SMARCA2: variants seen among roughly 807,000 people sequenced by gnomAD.
The protein encoded by SMARCA2 is SWI/SNF related BAF chromatin remodeling complex subunit ATPase 2.
A neutral mutation model predicts 199.8 loss-of-function variants in SMARCA2; 61 were observed. That is an observed-to-expected ratio of 0.31 (90% CI 0.25 to 0.38). SMARCA2 has a LOEUF of 0.38. Among genes scored for constraint, SMARCA2 ranks in the 10% least tolerant of loss-of-function variants. SMARCA2 has a pLI of 1.00. For missense variants in SMARCA2, 1,344 were observed against 2,012.2 expected, an observed-to-expected ratio of 0.67 and a Z score of 6.35; for synonymous variants, 935 against 732.0, an observed-to-expected ratio of 1.28 and a Z score of -4.48.
chr9:2,081,939 T>C lies in SMARCA2; in HGVS notation c.2292T>C (p.Thr764=). 1 of 1,613,834 alleles carries C rather than the reference T, an allele frequency of 6.2e-7. No homozygotes were observed. The highest frequency in any genetic ancestry group is 8.5e-7 in the Non-Finnish European group (1 of 1,179,740). The change falls in exon 15 of 34, where the codon ACT becomes ACC. Residue 764 remains threonine (T), a synonymous_variant. Coordinates refer to ENST00000349721, the MANE Select transcript of SMARCA2 (RefSeq NM_003070.5). The part of the protein sequence containing the change: ...GKTIQTIALI[T]YLMEHKRLNG... ...CCATACAGACCATTGCACTCATCAC[T>C]TATCTGATGGAGCACAAAAGACTCA...
rs139298242 is a variant in SMARCA2 at position 2,074,386 on chromosome 9, G to A, written c.1935+763G>A. Among the ~76,000 whole-genome samples, 3 of 152,226 alleles carry A rather than the reference G, an allele frequency of 2.0e-5. No homozygotes were observed. In the South Asian group the frequency reaches 6.2e-4, roughly 32 times the overall value. ...TAGATCTGATATTTTTGAGAGTGCC[G>A]TAGTATAGGTGCCGAGGACAAGGTA... On this transcript the variant is annotated intron_variant, in intron 12 of 33. Transcript: ENST00000349721.
At chr9:2,080,895 G>A (rs1236138581) in intron 14 of SMARCA2, among the ~76,000 whole-genome samples, 2 of 152,142 alleles carry the variant, frequency 1.3e-5, no homozygotes, top group African/African-American at 2.4e-5. Context: ...CTGAAGGGAG[G>A]CATGCATCTT....
intron 5 of SMARCA2, 58 bp from the exon 6 acceptor site, chr9:2,054,539 T>G (rs1307060883): frequency 1.3e-6 from 2 of 1,577,616 alleles, no homozygotes; most frequent in African/African-American, 2.7e-5. Context: ...TCATTTAAGA[T>G]TAAATTGTAA....
chr9:2,181,481 A>C, intron 29 of SMARCA2, 90 bp from the exon 30 acceptor site: 1 of 734,412 alleles, frequency 1.4e-6, no homozygotes, highest in Non-Finnish European at 2.5e-6. Flanking sequence ...AATATAATTT[A>C]CTTTGTTGAC....
chr9:2,151,605 C>A (rs6475534), intron 27 of SMARCA2, among the ~76,000 whole-genome samples: 126,575 of 152,034 alleles, frequency 0.83, 52,971 homozygotes, highest in African/African-American at 0.91. Flanking sequence ...CCAGTGGTGC[C>A]TGCCTGTAAT....
rs1821176418 is a variant in SMARCA2 at position 2,073,462 on chromosome 9, A to AT, written c.1878-101dup. 4 of 1,493,696 alleles carry AT rather than the reference A, an allele frequency of 2.7e-6. No individual in the cohort carries two copies. The East Asian group carries it at 9.2e-5, about 35-fold the overall frequency. 92.5% of individuals were successfully genotyped at this position (1,493,696 alleles called of 1,614,324 possible). A position where few individuals can be genotyped will look rare whatever the true frequency, so the allele number is the denominator to read the frequency against. ...TGAGATGGTTGAAGTTGTTACTTGGATTTGTCTTTTATACATAGAATGTGC... is the reference window on the plus strand; with the variant it reads ...TGAGATGGTTGAAGTTGTTACTTGGATTTTGTCTTTTATACATAGAATGTGC... On this transcript the variant is annotated intron_variant, in intron 11 of 33. Coordinates refer to ENST00000349721, the MANE Select transcript of SMARCA2 (RefSeq NM_003070.5).
At chr9:2,183,806 A>G (rs746629066) in intron 31 of SMARCA2, among the ~76,000 whole-genome samples, 2 of 152,212 alleles carry the variant, frequency 1.3e-5, no homozygotes, top group Non-Finnish European at 2.9e-5. Context: ...AAGTAGAAGA[A>G]TCAACAAAGA....
At chr9:2,113,041 A>G (rs1190045781) in intron 24 of SMARCA2, among the ~76,000 whole-genome samples, 1 of 152,216 alleles carries the variant, frequency 6.6e-6, no homozygotes, top group African/African-American at 2.4e-5. Context: ...TATAGATTGT[A>G]TAGCCCCCAA....
chr9:2,155,946 T>C (rs1825338620), intron 27 of SMARCA2, among the ~76,000 whole-genome samples: 1 of 152,016 alleles, frequency 6.6e-6, no homozygotes, highest in Non-Finnish European at 1.5e-5. Context: ...ACAGAGTCTG[T>C]TGAGTTAATG....
chr9:2,077,003 A>G (rs1279248383), intron 13 of SMARCA2, among the ~76,000 whole-genome samples: 2 of 152,144 alleles, frequency 1.3e-5, no homozygotes, highest in Non-Finnish European at 2.9e-5. Flanking sequence ...CTTTTATTCC[A>G]TGGTTGTGTG....
chr9:2,094,091 A>G (rs529716280), intron 19 of SMARCA2, among the ~76,000 whole-genome samples: 306 of 152,324 alleles, frequency 2.0e-3, no homozygotes, highest in African/African-American at 7.1e-3. Context: ...GTAGAGTTAG[A>G]AAGGAGCCTT....
At chr9:2,136,280 C>T (rs905188638) in intron 27 of SMARCA2, among the ~76,000 whole-genome samples, 1 of 150,174 alleles carries the variant, frequency 6.7e-6, no homozygotes, top group Non-Finnish European at 1.5e-5. Context: ...CTGCGCTTCT[C>T]GGGTTCAAAC....
At chr9:2,180,325 C>CTCTT (rs1302549525) in intron 29 of SMARCA2, among the ~76,000 whole-genome samples, 3 of 152,118 alleles carry the variant, frequency 2.0e-5, no homozygotes, top group African/African-American at 7.2e-5. Flanking sequence ...TTATGCAGGC[C>CTCTT]TCTTTGCACT....
chr9:2,181,762 C>T (rs897565430), intron 30 of SMARCA2, 86 bp downstream of exon 30: 36 of 763,910 alleles, frequency 4.7e-5, no homozygotes, highest in Middle Eastern at 3.6e-4. Flanking sequence ...TGGAGCTGAC[C>T]GCCACTGATG....
Position 2,047,309 on chromosome 9 carries a change from C to G in SMARCA2, c.871C>G (p.Pro291Ala). Residue 291 changes from proline to alanine, a missense_variant, in exon 5 of 34, where the codon CCC becomes GCC. Physicochemically the swap from Pro to Ala is conservative, Grantham distance 27. Coordinates refer to ENST00000349721, the MANE Select transcript of SMARCA2 (RefSeq NM_003070.5). ...PAPGGRPSPA[P>A]PAAAQPPAAA... Reference sequence around the variant, plus strand: ...GCCCGGCGGCCGGCCCTCGCCCGCGCCCCCCGCAGCCGCGCAGCCGCCCGC... The same window carrying G: ...GCCCGGCGGCCGGCCCTCGCCCGCGGCCCCCGCAGCCGCGCAGCCGCCCGC... 2.0e-6 allele frequency: 2 copies of G among 1,010,050 alleles called. No homozygotes were observed. The highest frequency in any genetic ancestry group is 2.4e-6 in the Non-Finnish European group (2 of 842,670). The allele number at this position is 1,010,050 out of a possible 1,614,324, so 62.6% of individuals were successfully genotyped here.
At chr9:2,153,572 G>GT (rs367923679) in intron 27 of SMARCA2, among the ~76,000 whole-genome samples, 98 of 152,192 alleles carry the variant, frequency 6.4e-4, no homozygotes, top group African/African-American at 2.0e-3. Flanking sequence ...TCTGGATAGA[G>GT]TTTTTTTAAT....
rs143522467 is a variant in SMARCA2 at position 2,191,402 on chromosome 9, T to C, written c.4731T>C (p.Asp1577=). Reference sequence around the variant, plus strand: ...ATTTTGACAGCGATGAGGAGCAGGATGAACGTGTAAGTGTAGCCGACTGGG... The same window carrying C: ...ATTTTGACAGCGATGAGGAGCAGGACGAACGTGTAAGTGTAGCCGACTGGG... ...VSDFDSDEEQ[D]EREQSEGSGT... is the part of the protein sequence containing the mutation. The change falls in exon 33 of 34, where the codon GAT becomes GAC. Residue 1577 remains aspartate (D), a synonymous_variant. Transcript: ENST00000349721. 243 of 1,614,090 alleles carry C rather than the reference T, an allele frequency of 1.5e-4. No individual in the cohort carries two copies. The African/African-American group carries it at 3.0e-3, about 20-fold the overall frequency.
At position 2,056,864 on chromosome 9, in the gene SMARCA2, T is replaced by G. The variant is rs563057685; in HGVS notation, c.1347+19T>G. 2.5e-5 allele frequency: 40 copies of G among 1,607,996 alleles called. No individual in the cohort carries two copies. The East Asian group carries it at 4.5e-4, about 18-fold the overall frequency. ...ACACCAGGTTCTTAGACCCTGGGCT[T>G]TGCTCACCCTCACTTTGGCAGAGCT... is the stretch of plus-strand genomic sequence containing the variant. On this transcript the variant is annotated intron_variant, in intron 7 of 33. Coordinates refer to ENST00000349721, the MANE Select transcript of SMARCA2 (RefSeq NM_003070.5). The surrounding 1 kb of genome is among the most constrained non-coding windows in gnomAD (Gnocchi z 4.0).
At chr9:2,109,598 T>G (rs939904887) in intron 23 of SMARCA2, among the ~76,000 whole-genome samples, 21 of 151,664 alleles carry the variant, frequency 1.4e-4, no homozygotes, top group African/African-American at 5.1e-4. Context: ...CAGAGCAGGA[T>G]GATAACGTGA....
Sources: allele counts gnomAD v4.1 joint callset (sites outside exome capture counted in the v4.1 genomes callset), GRCh38; gene constraint gnomAD v4.1.1; non-coding constraint Gnocchi (gnomAD v3.1); transcripts MANE v1.5; gene names NCBI Gene and HGNC (gene_info 2026-07-23, HGNC 2026-07-21).